MARCHF1: variants seen among roughly 807,000 people sequenced by gnomAD.
The protein encoded by MARCHF1 is membrane associated ring-CH-type finger 1, also known as E3 ubiquitin-protein ligase MARCHF1.
A neutral mutation model predicts 54.2 loss-of-function variants in MARCHF1; 40 were observed. The ratio of observed to expected loss-of-function variants is 0.74; its 90% confidence interval spans 0.57 to 0.96. The LOEUF is 0.96. Ranked by LOEUF, MARCHF1 falls within the 40% of genes least tolerant of loss-of-function variation. The pLI is 0.00. For missense variants in MARCHF1, 586 were observed against 656.5 expected (o/e 0.89, Z 1.17); for synonymous variants, 236 against 236.3 (o/e 1.00, Z 0.01).
chr4:164,380,382 C>T (rs974187359), intron 1 of MARCHF1, among the ~76,000 whole-genome samples: 8 of 152,132 alleles, frequency 5.3e-5, no homozygotes, highest in Non-Finnish European at 4.4e-5. Context: ...ATGCACTGTC[C>T]CCCATGAGAA....
At chr4:164,157,603 A>G (rs1028197944) in intron 1 of MARCHF1, among the ~76,000 whole-genome samples, 1 of 152,140 alleles carries the variant, frequency 6.6e-6, no homozygotes, top group African/African-American at 2.4e-5. Context: ...TGAAACCTGT[A>G]GGGGAGTCCT....
chr4:163,539,006 TTTA>T, intron 9 of MARCHF1, among the ~76,000 whole-genome samples: 1 of 53,598 alleles, frequency 1.9e-5, no homozygotes, highest in Admixed American at 3.0e-4. Flanking sequence ...GATGCTTTTA[TTTA>T]TTTATTTATT....
chr4:163,653,331 T>G lies in MARCHF1; in HGVS notation c.163-39938A>C, dbSNP rs75277274. On this transcript the variant is annotated intron_variant, in intron 5 of 9. Coordinates refer to ENST00000514618, the MANE Select transcript of MARCHF1 (RefSeq NM_001394959.1). Reference sequence around the variant, plus strand: ...AGCCAGGGGCCAGGTTATGTATATCTTGTAGCATGTGGTAAGAATGTTGGA... The same window carrying G: ...AGCCAGGGGCCAGGTTATGTATATCGTGTAGCATGTGGTAAGAATGTTGGA... 3.3e-5 allele frequency among the ~76,000 whole-genome samples: 5 copies of G among 151,914 alleles called. No homozygotes were observed. The East Asian group carries it at 9.7e-4, about 30-fold the overall frequency.
intron 1 of MARCHF1, among the ~76,000 whole-genome samples, chr4:164,296,986 C>T (rs1734427701): frequency 6.6e-6 from 1 of 152,186 alleles, no homozygotes; most frequent in Non-Finnish European, 1.5e-5. Flanking sequence ...CATGCCCTTG[C>T]TCTGTGTGAC....
chr4:164,086,813 A>G (rs571512478), intron 2 of MARCHF1, among the ~76,000 whole-genome samples: 1 of 152,206 alleles, frequency 6.6e-6, no homozygotes, highest in African/African-American at 2.4e-5. Context: ...TTAATTTTAT[A>G]TAATTTTGAG....
chr4:163,765,688 C>T (rs1171426805), intron 4 of MARCHF1, among the ~76,000 whole-genome samples: 2 of 151,776 alleles, frequency 1.3e-5, no homozygotes, highest in African/African-American at 2.4e-5. Flanking sequence ...CTGCCTCAGA[C>T]ATGGAACCAA....
intron 9 of MARCHF1, among the ~76,000 whole-genome samples, chr4:163,531,261 T>G (rs1429020973): frequency 6.6e-6 from 1 of 151,866 alleles, no homozygotes; most frequent in Non-Finnish European, 1.5e-5. Flanking sequence ...AATTCAACAA[T>G]GTATAAAAAC....
chr4:163,832,201 C>A (rs1284272163), intron 4 of MARCHF1, among the ~76,000 whole-genome samples: 1 of 152,122 alleles, frequency 6.6e-6, no homozygotes, highest in Admixed American at 6.5e-5. Flanking sequence ...GGAAAACAGA[C>A]AAATTGTGAT....
At chr4:163,564,477 A>G (rs560349189) in intron 8 of MARCHF1, among the ~76,000 whole-genome samples, 36 of 152,354 alleles carry the variant, frequency 2.4e-4, no homozygotes, top group Middle Eastern at 3.4e-3. Context: ...CCATACAGAA[A>G]CTTTATTTAA....
intron 1 of MARCHF1, among the ~76,000 whole-genome samples, chr4:164,204,170 G>A (rs865876862): frequency 1.2e-4 from 19 of 152,208 alleles, no homozygotes; most frequent in African/African-American, 4.3e-4. Flanking sequence ...ATTGAAGTAC[G>A]TGGCGTGAAG....
intron 4 of MARCHF1, among the ~76,000 whole-genome samples, chr4:163,726,355 T>A (rs1468127403): frequency 6.6e-6 from 1 of 152,228 alleles, no homozygotes; most frequent in East Asian, 1.9e-4. Context: ...GTCATATAAT[T>A]GAAATAATAA....
chr4:163,894,692 TATATATATGCATGTGATGC>T lies in MARCHF1; in HGVS notation c.-38-40542_-38-40524del, dbSNP rs1560807817. On this transcript the variant is annotated intron_variant, in intron 3 of 9. Transcript: ENST00000514618. ...GATGCATATATATGCATGTGATGCATATATATATGCATGTGATGCATATATATATGCATGTGATGCATAT... is the reference window on the plus strand; with the variant it reads ...GATGCATATATATGCATGTGATGCATATATATATATGCATGTGATGCATAT... Among the ~76,000 whole-genome samples the T allele has an allele frequency of 1.4e-3, 66 of 48,664 alleles. 4 individuals are homozygous for T. Among genetic ancestry groups the T allele is most frequent in the Non-Finnish European group, 1.8e-3 (45 of 25,372 alleles). 31.9% of individuals were successfully genotyped at this position (48,664 alleles called of 152,430 possible).
chr4:164,282,734 A>G (rs1202452463), intron 1 of MARCHF1, among the ~76,000 whole-genome samples: 1 of 151,358 alleles, frequency 6.6e-6, no homozygotes, highest in African/African-American at 2.4e-5. Flanking sequence ...CTGAGAGACC[A>G]GAACATCTGT....
intron 4 of MARCHF1, among the ~76,000 whole-genome samples, chr4:163,844,687 A>G (rs1749435638): frequency 6.6e-6 from 1 of 152,188 alleles, no homozygotes; most frequent in South Asian, 2.1e-4. Flanking sequence ...AATATAGCCA[A>G]TCATTCATTT....
chr4:163,865,307 T>C (rs1018288519), intron 3 of MARCHF1, among the ~76,000 whole-genome samples: 1 of 151,982 alleles, frequency 6.6e-6, no homozygotes, highest in African/African-American at 2.4e-5. Flanking sequence ...AAACATCTTT[T>C]GAATATAATA....
intron 2 of MARCHF1, among the ~76,000 whole-genome samples, chr4:164,023,030 C>T (rs1753696474): frequency 6.6e-6 from 1 of 152,182 alleles, no homozygotes; most frequent in African/African-American, 2.4e-5. Context: ...AGGGTTGCAG[C>T]ATGCAGCTCG....
At chr4:164,370,707 G>C (rs1731013877) in intron 1 of MARCHF1, among the ~76,000 whole-genome samples, 1 of 152,152 alleles carries the variant, frequency 6.6e-6, no homozygotes, top group South Asian at 2.1e-4. Context: ...TCAGGAGTTG[G>C]AGACCAGCCT....
intron 5 of MARCHF1, among the ~76,000 whole-genome samples, chr4:163,614,434 T>A (rs1466442585): frequency 2.6e-5 from 4 of 152,090 alleles, no homozygotes; most frequent in African/African-American, 9.7e-5. Context: ...CCACTATGGG[T>A]GGAGATCTGG....
chr4:164,061,619 C>T (rs1479508084), intron 2 of MARCHF1, among the ~76,000 whole-genome samples: 3 of 150,506 alleles, frequency 2.0e-5, no homozygotes, highest in African/African-American at 7.4e-5. Flanking sequence ...CAGCATGGCA[C>T]ATGTATACAT....
Sources: gnomAD v4.1 joint callset for allele counts (sites outside exome capture counted in the v4.1 genomes callset) on GRCh38, gnomAD v4.1.1 for gene constraint, MANE v1.5 for transcripts, NCBI Gene and HGNC (gene_info 2026-07-23, HGNC 2026-07-21) for gene names.